CATSPERB: variants seen among roughly 807,000 people sequenced by gnomAD.
The protein encoded by CATSPERB is catsper channel auxiliary subunit beta.
CATSPERB carries 93 observed loss-of-function variants against 128.3 expected under a neutral mutation model. That is an observed-to-expected ratio of 0.72 (90% confidence interval 0.61 to 0.86). The LOEUF is 0.86. Among genes scored for constraint, CATSPERB ranks in the 40% least tolerant of loss-of-function variants. The pLI is 0.00. For synonymous variants in CATSPERB, 381 were observed against 448.8 expected (o/e 0.85, Z 1.91); for missense variants, 1,153 against 1,329.5 (o/e 0.87, Z 2.06).
At chr14:91,699,018 C>T (rs1410016282) in intron 7 of CATSPERB, among the ~76,000 whole-genome samples, 1 of 152,196 alleles carries the variant, frequency 6.6e-6, no homozygotes, top group African/African-American at 2.4e-5. Context: ...ATCTAAGTTG[C>T]TGCAAAAGAC....
intron 22 of CATSPERB, among the ~76,000 whole-genome samples, chr14:91,593,198 G>A (rs1893442415): frequency 6.6e-6 from 1 of 152,216 alleles, no homozygotes; most frequent in Non-Finnish European, 1.5e-5. Flanking sequence ...CTCTGCTAGG[G>A]CAGTGCAGAA....
intron 22 of CATSPERB, among the ~76,000 whole-genome samples, chr14:91,607,940 C>T (rs1893743915): frequency 1.3e-5 from 2 of 152,152 alleles, no homozygotes; most frequent in Non-Finnish European, 1.5e-5. Flanking sequence ...TTAAATGTGC[C>T]TGCATTGGAG....
intron 3 of CATSPERB, among the ~76,000 whole-genome samples, chr14:91,724,278 C>T (rs1430761471): frequency 1.3e-5 from 2 of 152,164 alleles, no homozygotes; most frequent in Admixed American, 1.3e-4. Flanking sequence ...AATGGCAGAA[C>T]CAAGACTGGA....
chr14:91,629,417 C>G (rs1440654582), intron 17 of CATSPERB, among the ~76,000 whole-genome samples: 1 of 152,122 alleles, frequency 6.6e-6, no homozygotes, highest in East Asian at 1.9e-4. Context: ...GGCAGTGAAA[C>G]TCTTCTGTAT....
intron 13 of CATSPERB, among the ~76,000 whole-genome samples, chr14:91,670,543 A>C (rs1397427611): frequency 6.6e-6 from 1 of 152,094 alleles, no homozygotes; most frequent in Non-Finnish European, 1.5e-5. Flanking sequence ...TTAGCCAGGC[A>C]TGGTGGCATG....
chr14:91,628,394 T>A (rs948838364), intron 17 of CATSPERB, among the ~76,000 whole-genome samples: 1 of 152,210 alleles, frequency 6.6e-6, no homozygotes, highest in Non-Finnish European at 1.5e-5. Flanking sequence ...AAAGAATATA[T>A]GCAGATGGCA....
intron 26 of CATSPERB, among the ~76,000 whole-genome samples, chr14:91,585,265 T>G (rs1893278068): frequency 6.6e-6 from 1 of 152,212 alleles, no homozygotes; most frequent in African/African-American, 2.4e-5. Context: ...TCCACCCACC[T>G]TGGCCTCCCA....
intron 9 of CATSPERB, among the ~76,000 whole-genome samples, chr14:91,692,196 A>AG (rs1491539038): frequency 1.4e-5 from 2 of 138,062 alleles, no homozygotes; most frequent in African/African-American, 2.6e-5. Flanking sequence ...AAAAAAAAAA[A>AG]GAAGAAGTGT....
At chr14:91,714,277 C>CAAAAAAAAAAAAAAAAAAAAAAAA (rs35951126) in intron 5 of CATSPERB, among the ~76,000 whole-genome samples, 4 of 111,272 alleles carry the variant, frequency 3.6e-5, no homozygotes, top group Admixed American at 9.0e-5. Flanking sequence ...TACAATAAGG[C>CAAAAAAAAAAAAAAAAAAAAAAAA]AAAAAAAAAA....
At chr14:91,690,822 C>T (rs956757483) in intron 10 of CATSPERB, among the ~76,000 whole-genome samples, 2 of 152,244 alleles carry the variant, frequency 1.3e-5, no homozygotes, top group Non-Finnish European at 2.9e-5. Context: ...GATTCAGTGC[C>T]TGGCGAGGGC....
intron 16 of CATSPERB, 57 bp from the exon 17 acceptor site, chr14:91,636,636 CA>C (rs1894381337): frequency 7.0e-6 from 10 of 1,423,514 alleles, no homozygotes; most frequent in Non-Finnish European, 9.5e-6. Context: ...TCAATTATGA[CA>C]AAATTGAAGT....
rs1412213131 is a variant in CATSPERB, at chr14:91,723,140, A to G, written c.218T>C (p.Met73Thr). 7 of 1,533,102 alleles carry G rather than the reference A, an allele frequency of 4.6e-6. No homozygotes were observed. The South Asian group carries it at 5.3e-5, about 12-fold the overall frequency. 95.0% of individuals were successfully genotyped at this position (1,533,102 alleles called of 1,614,324 possible). The change falls in exon 4 of 27, where the codon ATG (methionine) becomes ACG (threonine). Residue 73 changes from methionine (M) to threonine (T), a missense_variant. By Grantham distance (81) the Met-to-Thr change is moderately conservative. Transcript: ENST00000256343. ...QTENEIASKA[M>T]LSVFTSGGLA... is the part of the protein sequence containing the mutation. ...TCCTCCTGATGTGAACACACTTAGC[A>G]TTGCTTTTGATGCAATTTCATTTTC...
chr14:91,645,740 T>C (rs1894587222), intron 15 of CATSPERB, among the ~76,000 whole-genome samples: 1 of 144,308 alleles, frequency 6.9e-6, no homozygotes, highest in Non-Finnish European at 1.5e-5. Flanking sequence ...CTCCACCCAG[T>C]TCGAGCTTCC....
At chr14:91,664,513 G>A (rs192090208) in intron 14 of CATSPERB, among the ~76,000 whole-genome samples, 12 of 151,964 alleles carry the variant, frequency 7.9e-5, no homozygotes, top group Admixed American at 3.3e-4. Flanking sequence ...TGATCCACCC[G>A]CCTCGGCCTC....
intron 15 of CATSPERB, among the ~76,000 whole-genome samples, chr14:91,654,637 C>G (rs139761389): frequency 9.7e-4 from 148 of 152,292 alleles, no homozygotes; most frequent in African/African-American, 3.5e-3. Flanking sequence ...TCCTTGGCTT[C>G]CAGATGGCAT....
rs532453289 is a variant in CATSPERB at position 91,651,361 on chromosome 14, C to G, written c.1432+8476G>C. ...AATGCCATCTATCTATCTTATCCCC[C>G]CTCTAAGCAAAGAGACTGTAACATC... On this transcript the variant is annotated intron_variant, in intron 15 of 26. Transcript: ENST00000256343. Among the ~76,000 whole-genome samples, 3 of 152,290 alleles carry G rather than the reference C, an allele frequency of 2.0e-5. No homozygotes were observed. The South Asian group carries it at 6.2e-4, about 32-fold the overall frequency.
chr14:91,608,458 T>C (rs186257983), intron 21 of CATSPERB, 54 bp from the exon 22 acceptor site: 1 of 1,049,688 alleles, frequency 9.5e-7, no homozygotes, highest in Non-Finnish European at 1.4e-6. Flanking sequence ...AAGTCTTTAA[T>C]TTATAGATCT....
At chr14:91,638,818 G>C (rs558315561) in intron 16 of CATSPERB, among the ~76,000 whole-genome samples, 2 of 152,232 alleles carry the variant, frequency 1.3e-5, no homozygotes, top group South Asian at 4.2e-4. Context: ...TAGAAGTAAT[G>C]GTTCTAGCTT....
At chr14:91,656,620 C>G (rs1894792096) in intron 15 of CATSPERB, among the ~76,000 whole-genome samples, 1 of 151,902 alleles carries the variant, frequency 6.6e-6, no homozygotes, top group Non-Finnish European at 1.5e-5. Context: ...ACAAAACAAT[C>G]AGAAAAAAAT....
Sources: allele counts gnomAD v4.1 joint callset (sites outside exome capture counted in the v4.1 genomes callset), GRCh38; gene constraint gnomAD v4.1.1; transcripts MANE v1.5; gene names NCBI Gene and HGNC (gene_info 2026-07-23, HGNC 2026-07-21).